The following DLG2 variants were observed in gnomAD, a reference collection of about 807,000 sequenced individuals.
The protein encoded by DLG2 is disks large homolog 2.
A neutral mutation model predicts 132.5 loss-of-function variants in DLG2; 45 were observed. That is an observed-to-expected ratio of 0.34 (90% CI 0.27 to 0.44). The LOEUF (loss-of-function observed/expected upper bound fraction) is 0.44, where lower values mean the gene tolerates loss of function less well. Among genes scored for constraint, DLG2 ranks in the 20% least tolerant of loss-of-function variants. DLG2 has a pLI of 1.00. For synonymous variants in DLG2, 424 were observed against 419.6 expected (o/e 1.01, Z -0.13); for missense variants, 1,045 against 1,196.9 (o/e 0.87, Z 1.87).
At chr11:84,175,415 G>T (rs2095935004) in intron 8 of DLG2, among the ~76,000 whole-genome samples, 1 of 152,066 alleles carries the variant, frequency 6.6e-6, no homozygotes, top group African/African-American at 2.4e-5. Context: ...TGACTCTTAT[G>T]CTAAAGGCTT....
chr11:84,792,500 G>T (rs2074003684), intron 6 of DLG2, among the ~76,000 whole-genome samples: 1 of 151,872 alleles, frequency 6.6e-6, no homozygotes, highest in Admixed American at 6.6e-5. Context: ...GAGTAGAATT[G>T]GTATTACTTC....
At chr11:84,141,279 TGAAA>T (rs2094833639) in intron 9 of DLG2, among the ~76,000 whole-genome samples, 1 of 151,596 alleles carries the variant, frequency 6.6e-6, no homozygotes, top group Non-Finnish European at 1.5e-5. Context: ...TACAATTACA[TGAAA>T]GAAATATATG....
At chr11:85,583,120 G>A (rs1194423717) in intron 3 of DLG2, among the ~76,000 whole-genome samples, 12 of 57,814 alleles carry the variant, frequency 2.1e-4, no homozygotes, top group Admixed American at 4.0e-4. Flanking sequence ...GTGTGTGTGT[G>A]TGTGTGTGTG....
intron 3 of DLG2, among the ~76,000 whole-genome samples, chr11:85,462,633 AC>A (rs2092653585): frequency 6.6e-6 from 1 of 151,794 alleles, no homozygotes; most frequent in Non-Finnish European, 1.5e-5. Flanking sequence ...GGGGAACATC[AC>A]ACACCGGGGC....
chr11:84,113,276 A>C (rs1258815552), intron 9 of DLG2, among the ~76,000 whole-genome samples: 2 of 152,208 alleles, frequency 1.3e-5, no homozygotes, highest in Non-Finnish European at 2.9e-5. Flanking sequence ...TATATGCATA[A>C]AACACTTCCA....
At chr11:85,374,779 A>G (rs1306582592) in intron 3 of DLG2, among the ~76,000 whole-genome samples, 1 of 152,236 alleles carries the variant, frequency 6.6e-6, no homozygotes, top group Non-Finnish European at 1.5e-5. Flanking sequence ...AAAATTTAAA[A>G]CATTTCCAAA....
intron 7 of DLG2, among the ~76,000 whole-genome samples, chr11:84,373,249 C>CAAAAAAAAAAAAAACAAAAAAAAAAA (rs2098713585): frequency 2.4e-5 from 1 of 41,664 alleles, no homozygotes; most frequent in Admixed American, 4.2e-4. Context: ...AAGAAACAGT[C>CAAAAAAAAAAAAAACAAAAAAAAAAA]AAAAAAAAAA....
intron 16 of DLG2, among the ~76,000 whole-genome samples, chr11:83,860,542 C>T (rs893888368): frequency 3.3e-5 from 5 of 152,198 alleles, no homozygotes; most frequent in Non-Finnish European, 7.3e-5. Flanking sequence ...CCAGTACCCC[C>T]ACTGTATCTA....
chr11:84,818,846 TC>T (rs1210276327), intron 6 of DLG2, among the ~76,000 whole-genome samples: 2 of 151,926 alleles, frequency 1.3e-5, no homozygotes. Flanking sequence ...ATCTTCAGCC[TC>T]TAAATTCAGA....
At chr11:84,635,704 T>C (rs2154544406) in intron 6 of DLG2, among the ~76,000 whole-genome samples, 1 of 152,236 alleles carries the variant, frequency 6.6e-6, no homozygotes. Flanking sequence ...TTATTTCACT[T>C]AATTCCCTCA....
At chr11:85,283,089 G>A (rs1233163964) in intron 4 of DLG2, among the ~76,000 whole-genome samples, 1 of 151,982 alleles carries the variant, frequency 6.6e-6, no homozygotes, top group African/African-American at 2.4e-5. Context: ...CTACTAGAGG[G>A]TGGAGGGTGG....
intron 7 of DLG2, among the ~76,000 whole-genome samples, chr11:84,460,016 A>T (rs1022181927): frequency 6.6e-6 from 1 of 150,728 alleles, no homozygotes; most frequent in African/African-American, 2.4e-5. Context: ...TAGCTTTTCT[A>T]CACTATGTCA....
chr11:84,919,307 C>T (rs2092646318), intron 6 of DLG2, among the ~76,000 whole-genome samples: 1 of 152,090 alleles, frequency 6.6e-6, no homozygotes, highest in Non-Finnish European at 1.5e-5. Flanking sequence ...TGAGAAAAAA[C>T]TAAACTTTCT....
intron 3 of DLG2, among the ~76,000 whole-genome samples, chr11:85,432,326 T>C (rs1174305384): frequency 2.0e-5 from 3 of 152,060 alleles, no homozygotes; most frequent in Admixed American, 6.6e-5. Flanking sequence ...AAGGATGAGA[T>C]AGATGAATTG....
intron 6 of DLG2, among the ~76,000 whole-genome samples, chr11:85,080,094 T>G (rs1751981484): frequency 6.6e-6 from 1 of 152,112 alleles, no homozygotes; most frequent in African/African-American, 2.4e-5. Flanking sequence ...GAATTTCAAC[T>G]AATTGTATCC....
At chr11:83,878,153 G>T (rs565775188) in intron 15 of DLG2, among the ~76,000 whole-genome samples, 1 of 152,098 alleles carries the variant, frequency 6.6e-6, no homozygotes, top group Non-Finnish European at 1.5e-5. Flanking sequence ...AGCACCCAGG[G>T]CTATGAATCA....
chr11:84,940,617 T>C (rs1322345034), intron 6 of DLG2, among the ~76,000 whole-genome samples: 1 of 152,234 alleles, frequency 6.6e-6, no homozygotes, highest in East Asian at 1.9e-4. Flanking sequence ...TGAGTATATA[T>C]TCTGTCTCTT....
At chr11:84,714,553 C>CTTTCTTTCTCTTTCTCTT (rs397956960) in intron 6 of DLG2, among the ~76,000 whole-genome samples, 2 of 109,202 alleles carry the variant, frequency 1.8e-5, no homozygotes, top group East Asian at 5.9e-4. Context: ...TTCTCTTTCT[C>CTTTCTTTCTCTTTCTCTT]TCTCTTTCTC....
intron 6 of DLG2, among the ~76,000 whole-genome samples, chr11:84,541,803 C>A (rs1216368168): frequency 6.6e-6 from 1 of 152,110 alleles, no homozygotes; most frequent in African/African-American, 2.4e-5. Flanking sequence ...CATTTTCTAC[C>A]ACAGTCCCCC....
Sources: gnomAD v4.1 joint callset for allele counts (sites outside exome capture counted in the v4.1 genomes callset) on GRCh38, gnomAD v4.1.1 for gene constraint, MANE v1.5 for transcripts, NCBI Gene and HGNC (gene_info 2026-07-23, HGNC 2026-07-21) for gene names.